The following TM9SF1 variants were observed in gnomAD, a reference collection of about 807,000 sequenced individuals.
TM9SF1 encodes the protein MP70 protein family member.
A neutral mutation model predicts 52.4 loss-of-function variants in TM9SF1; 25 were observed. That is an observed-to-expected ratio of 0.48 (90% CI 0.35 to 0.67). The LOEUF is 0.67. Among genes scored for constraint, TM9SF1 ranks in the 30% least tolerant of loss-of-function variants. The probability of loss-of-function intolerance (pLI) is 0.01; values close to 1 mark genes in which losing one functional copy is unlikely to be tolerated. For missense variants in TM9SF1, 604 were observed against 780.3 expected (o/e 0.77, Z 2.69); for synonymous variants, 284 against 299.8 (o/e 0.95, Z 0.55).
chr14:24,193,107 G>A lies in TM9SF1; in HGVS notation c.508C>T (p.His170Tyr). The A allele has an allele frequency of 6.2e-7, 1 of 1,614,196 alleles. No homozygotes were observed. The change falls in exon 3 of 6, where the codon CAT (histidine) becomes TAT (tyrosine). Residue 170 changes from histidine to tyrosine, a missense_variant. Physicochemically the swap from His to Tyr is moderately conservative, Grantham distance 83. Coordinates refer to ENST00000261789, the MANE Select transcript of TM9SF1 (RefSeq NM_006405.7). ...WTHLDFHLEF[H>Y]GDRIIFANVS... ...TTGGCAAATATAATTCGGTCTCCATGGAATTCTAGGTGGAAGTCCAAATGG... is the reference window on the plus strand; with the variant it reads ...TTGGCAAATATAATTCGGTCTCCATAGAATTCTAGGTGGAAGTCCAAATGG...
In TM9SF1 at chr14:24,192,186, T is replaced by C; in HGVS notation, c.1138A>G (p.Thr380Ala). ...ERWVWNIILTTSLFSVPFFLT... is the reference protein window; with the variant it reads ...ERWVWNIILTASLFSVPFFLT... ...AAGTCCTCACCAGAGAAGAGACTGG[T>C]GGTGAGAATGATGTTCCACACCCAA... The change falls in exon 4 of 6, where the codon ACC becomes GCC. Residue 380 changes from threonine to alanine, a missense_variant. By Grantham distance (58) the Thr-to-Ala change is moderately conservative (BLOSUM62 0). Around this residue, in one of 3 missense-constraint regions of TM9SF1, gnomAD observed 450 missense variants for 560.1 expected, o/e 0.80. Coordinates refer to ENST00000261789, the MANE Select transcript of TM9SF1 (RefSeq NM_006405.7). This position sits in a 1 kb window ranked among gnomAD's most constrained non-coding sequence, Gnocchi z 4.0. 3 of 1,614,140 alleles carry C rather than the reference T, an allele frequency of 1.9e-6. No homozygotes were observed. The highest frequency in any genetic ancestry group is 2.5e-6 in the Non-Finnish European group (3 of 1,180,012).
At position 24,190,851 on chromosome 14, in the gene TM9SF1, G is replaced by GTT. The variant is rs150852398; in HGVS notation, c.1154-200_1154-199dup. 1.3e-3 allele frequency among the ~76,000 whole-genome samples: 88 copies of GTT among 65,452 alleles called. 13 individuals carry two copies. Among genetic ancestry groups the GTT allele is most frequent in the African/African-American group, 4.0e-3 (53 of 13,106 alleles). 42.9% of individuals were successfully genotyped at this position (65,452 alleles called of 152,430 possible). A position where few individuals can be genotyped will look rare whatever the true frequency, so the allele number is the denominator to read the frequency against. ...CAGGTCCCATTATTCTTTGTTCTGT[G>GTT]TTTTTTTTTTTTTTTTTTTTTTTTT... On this transcript the variant is annotated intron_variant, in intron 4 of 5. Coordinates refer to ENST00000261789, the MANE Select transcript of TM9SF1 (RefSeq NM_006405.7).
intron 2 of TM9SF1, among the ~76,000 whole-genome samples, chr14:24,193,470 A>C (rs2039353927): frequency 6.6e-6 from 1 of 151,752 alleles, no homozygotes; most frequent in African/African-American, 2.4e-5. Flanking sequence ...GGGTTCAAGC[A>C]ATTCTCCTGC....
intron 2 of TM9SF1, among the ~76,000 whole-genome samples, chr14:24,193,685 C>T (rs577364949): frequency 4.0e-5 from 6 of 150,422 alleles, no homozygotes; most frequent in African/African-American, 1.5e-4. Flanking sequence ...CTTTGGGAGG[C>T]CGAGGCGGGC....
intron 2 of TM9SF1, 74 bp downstream of exon 2, chr14:24,194,601 C>G: frequency 7.2e-7 from 1 of 1,386,306 alleles, no homozygotes; most frequent in South Asian, 1.3e-5. Flanking sequence ...TAAAGGTACC[C>G]TGAACCATAA....
chr14:24,190,085 A>C, intron 5 of TM9SF1: 2 of 1,359,648 alleles, frequency 1.5e-6, no homozygotes, highest in Non-Finnish European at 1.9e-6. Context: ...GAGGTATTCA[A>C]CAAAGTAAAT....
At chr14:24,190,135 A>G (rs1366370691) in intron 5 of TM9SF1, 4 of 1,374,818 alleles carry the variant, frequency 2.9e-6, no homozygotes, top group Non-Finnish European at 3.7e-6. Context: ...TGATGTCCAT[A>G]GGCATTAAAG....
Position 24,193,262 on chromosome 14 carries a change from T to C in TM9SF1, c.353A>G (p.Gln118Arg). Residue 118 changes from glutamine (Q) to arginine (R), a missense_variant, in exon 3 of 6, where the codon CAG becomes CGG. Physicochemically the swap from Gln to Arg is conservative, Grantham distance 43. Coordinates refer to ENST00000261789, the MANE Select transcript of TM9SF1 (RefSeq NM_006405.7). ...CAGTTCTTCAATGGCCTGGCGCAGC[T>C]GCTCCACCTATAAAGAGCAAGTCAG... Reference protein sequence around the residue: ...HMQLSSAQVEQLRQAIEELYY... With the variant: ...HMQLSSAQVERLRQAIEELYY... 1 of 1,597,404 alleles carries C rather than the reference T, an allele frequency of 6.3e-7. No individual in the cohort carries two copies. The highest frequency in any genetic ancestry group is 8.5e-7 in the Non-Finnish European group (1 of 1,170,248).
In TM9SF1 at chr14:24,192,467, C is replaced by A; in HGVS notation, c.968-111G>T. The stretch of plus-strand genomic sequence containing the variant: ...GACCCAGGGCCTCCAGCAAAACAAT[C>A]TCCCCCAGTTTTGCTATCCAGAAAA... On this transcript the variant is annotated intron_variant, in intron 3 of 5. Coordinates refer to ENST00000261789, the MANE Select transcript of TM9SF1 (RefSeq NM_006405.7). The surrounding 1 kb of genome is among the most constrained non-coding windows in gnomAD (Gnocchi z 4.0). 1 of 1,401,690 alleles carries A rather than the reference C, an allele frequency of 7.1e-7. No homozygotes were observed. 86.8% of individuals were successfully genotyped at this position (1,401,690 alleles called of 1,614,324 possible).
intron 5 of TM9SF1, 189 bp downstream of exon 5, chr14:24,190,191 A>G (rs1422019619): frequency 1.3e-5 from 18 of 1,387,508 alleles, no homozygotes; most frequent in Admixed American, 3.7e-5. Flanking sequence ...GGAGAGCTTT[A>G]TAAGTGAGAC....
In TM9SF1 at chr14:24,195,364, C is replaced by G. The variant is rs1161629848; in HGVS notation, c.-36G>C. On this transcript the variant is annotated 5_prime_UTR_variant, in exon 1 of 6. Transcript: ENST00000261789. The stretch of plus-strand genomic sequence containing the variant: ...TCCTCACCGCGCGGGAAGGGCTGGC[C>G]GAGGCGGCGCCAGCGGCCTTCGCGC... 2 of 247,038 alleles carry G rather than the reference C, an allele frequency of 8.1e-6. No individual in the cohort carries two copies. Among genetic ancestry groups the G allele is most frequent in the Non-Finnish European group, 1.6e-5 (2 of 126,130 alleles). 15.3% of individuals were successfully genotyped at this position (247,038 alleles called of 1,614,324 possible).
In TM9SF1 at chr14:24,195,358, G is replaced by A. The variant is rs995120322; in HGVS notation, c.-30C>T. On this transcript the variant is annotated 5_prime_UTR_variant, in exon 1 of 6. Transcript: ENST00000261789. The stretch of plus-strand genomic sequence containing the variant: ...CCGGGGTCCTCACCGCGCGGGAAGG[G>A]CTGGCCGAGGCGGCGCCAGCGGCCT... The A allele has an allele frequency of 3.9e-6, 1 of 255,834 alleles. No individual in the cohort carries two copies. Among genetic ancestry groups the A allele is most frequent in the Non-Finnish European group, 7.6e-6 (1 of 131,474 alleles). 15.8% of individuals were successfully genotyped at this position (255,834 alleles called of 1,614,324 possible).
Position 24,190,671 on chromosome 14 carries a change from C to G in TM9SF1, c.1154-18G>C, listed in dbSNP as rs1332300400. 6.3e-7 allele frequency: 1 copy of G among 1,593,484 alleles called. No individual in the cohort carries two copies. Among genetic ancestry groups the G allele is most frequent in the Non-Finnish European group, 8.6e-7 (1 of 1,167,606 alleles). On this transcript the variant is annotated intron_variant, in intron 4 of 5. Coordinates refer to ENST00000261789, the MANE Select transcript of TM9SF1 (RefSeq NM_006405.7). Reference sequence around the variant, plus strand: ...GAAAGGCACTGCAGGGATGGGCCCCCGGAGGGAGGGTCAACACTAGGAGCT... The same window carrying G: ...GAAAGGCACTGCAGGGATGGGCCCCGGGAGGGAGGGTCAACACTAGGAGCT...
Position 24,189,627 on chromosome 14 carries a change from G to A in TM9SF1, c.1609C>T (p.Leu537=). Residue 537 remains leucine (L), a synonymous_variant, in exon 6 of 6, where the codon CTG becomes TTG. Transcript: ENST00000261789. The part of the protein sequence containing the change: ...EDYRWWWRSV[L]SVGSTGLFIF... ...AAGAGGCCGGTGGAGCCAACACTCA[G>A]CACAGATCGCCACCACCAGCGGTAA... 6.2e-7 allele frequency: 1 copy of A among 1,614,078 alleles called. No individual in the cohort carries two copies. The highest frequency in any genetic ancestry group is 8.5e-7 in the Non-Finnish European group (1 of 1,180,020).
chr14:24,192,397 G>T lies in TM9SF1; in HGVS notation c.968-41C>A. 1.3e-6 allele frequency: 2 copies of T among 1,589,362 alleles called. No individual in the cohort carries two copies. Among genetic ancestry groups the T allele is most frequent in the Non-Finnish European group, 1.7e-6 (2 of 1,162,708 alleles). On this transcript the variant is annotated intron_variant, in intron 3 of 5. Coordinates refer to ENST00000261789, the MANE Select transcript of TM9SF1 (RefSeq NM_006405.7). The surrounding 1 kb of genome is among the most constrained non-coding windows in gnomAD (Gnocchi z 4.0). ...GGAAAGCCCAAGTTAGGCCTCACCTGTGTCTCTTCTAGCAATTTCAGAGGA... is the reference window on the plus strand; with the variant it reads ...GGAAAGCCCAAGTTAGGCCTCACCTTTGTCTCTTCTAGCAATTTCAGAGGA...
In TM9SF1 at chr14:24,194,821, AGACT is replaced by A; in HGVS notation, c.195_198del (p.Val66AlafsTer67). 6.2e-7 allele frequency: 1 copy of A among 1,614,252 alleles called. No homozygotes were observed. On this transcript the variant is annotated frameshift_variant, in exon 2 of 6. Transcript: ENST00000261789. LOFTEE classifies it high-confidence loss of function. Reference sequence around the variant, plus strand: ...TTGTGACGTATCTTCTCAGGGCAGCAGACTGGAAGCTGATAGTAGTGGTAAGTTT... The same window carrying A: ...TTGTGACGTATCTTCTCAGGGCAGCAGGAAGCTGATAGTAGTGGTAAGTTT...
At chr14:24,195,225 T>TC in intron 1 of TM9SF1, 121 bp downstream of exon 1, 1 of 579,704 alleles carries the variant, frequency 1.7e-6, no homozygotes, top group Non-Finnish European at 3.1e-6. Flanking sequence ...AACCTGGGGT[T>TC]CACCCCACCC....
intron 2 of TM9SF1, among the ~76,000 whole-genome samples, chr14:24,194,228 C>T (rs1043194142): frequency 6.6e-5 from 10 of 151,996 alleles, no homozygotes; most frequent in East Asian, 1.9e-4. Context: ...AAAAGGAGAG[C>T]GGTGAGGTAT....
chr14:24,189,232 A>G lies in TM9SF1; in HGVS notation c.*183T>C, dbSNP rs2039279202. ...AAGGCAACTTAAAAAGTTCAAATAT[A>G]TAATCCTTATGTGATAGAGATTTAT... On this transcript the variant is annotated 3_prime_UTR_variant, in exon 6 of 6. Coordinates refer to ENST00000261789, the MANE Select transcript of TM9SF1 (RefSeq NM_006405.7). 6.5e-6 allele frequency: 4 copies of G among 618,564 alleles called. No individual in the cohort carries two copies. The highest frequency in any genetic ancestry group is 2.6e-5 in the South Asian group (1 of 38,222). 38.3% of individuals were successfully genotyped at this position (618,564 alleles called of 1,614,324 possible).
Sources: gnomAD v4.1 joint callset for allele counts (sites outside exome capture counted in the v4.1 genomes callset) on GRCh38, gnomAD v4.1.1 for gene constraint, gnomAD v4.1.1 regional missense constraint, Gnocchi (gnomAD v3.1) non-coding constraint, MANE v1.5 for transcripts, NCBI Gene and HGNC (gene_info 2026-07-23, HGNC 2026-07-21) for gene names.